Variants in LUZP2 observed in about 807,000 individuals in gnomAD.
LUZP2 encodes the protein leucine zipper protein 2.
LUZP2 carries 52 observed loss-of-function variants against 51.6 expected under a neutral mutation model. That is an observed-to-expected ratio of 1.01 (90% CI 0.81 to 1.27). The LOEUF is 1.27. Ranked by LOEUF, LUZP2 falls within the 50% of genes most tolerant of loss-of-function variation. The pLI is 0.00. For missense variants in LUZP2, 436 were observed against 395.4 expected, an observed-to-expected ratio of 1.10 and a Z score of -0.87; for synonymous variants, 154 against 137.3, an observed-to-expected ratio of 1.12 and a Z score of -0.85.
At chr11:25,065,552 A>G (rs1233163472) in intron 10 of LUZP2, among the ~76,000 whole-genome samples, 2 of 152,056 alleles carry the variant, frequency 1.3e-5, no homozygotes, top group Non-Finnish European at 1.5e-5. Flanking sequence ...GAATTTAAAC[A>G]TTGACTAAAC....
At chr11:25,024,876 C>T (rs10767300) in intron 9 of LUZP2, among the ~76,000 whole-genome samples, 57,565 of 148,280 alleles carry the variant, frequency 0.39, 13,495 homozygotes, top group East Asian at 0.78. Flanking sequence ...GGAGGCATCA[C>T]GCTACCTGAT....
intron 7 of LUZP2, among the ~76,000 whole-genome samples, chr11:24,959,236 G>A (rs575675431): frequency 2.3e-4 from 35 of 152,060 alleles, no homozygotes; most frequent in East Asian, 5.8e-4. Flanking sequence ...TTGGCGATGC[G>A]GGCTCTTTTT....
intron 8 of LUZP2, among the ~76,000 whole-genome samples, chr11:24,977,145 A>G (rs1855902388): frequency 6.6e-6 from 1 of 151,770 alleles, no homozygotes; most frequent in Admixed American, 6.6e-5. Flanking sequence ...TTATATTAAT[A>G]ATAAATGGAA....
chr11:24,991,874 A>C (rs1856357479), intron 9 of LUZP2, among the ~76,000 whole-genome samples: 1 of 151,810 alleles, frequency 6.6e-6, no homozygotes, highest in South Asian at 2.1e-4. Flanking sequence ...TTCTTTTGGG[A>C]ATTGCCTATT....
chr11:24,613,976 T>G (rs915895680), intron 1 of LUZP2, among the ~76,000 whole-genome samples: 1 of 151,996 alleles, frequency 6.6e-6, no homozygotes, highest in African/African-American at 2.4e-5. Context: ...TTGGTGTGTG[T>G]TCTATTTACA....
chr11:24,553,696 A>G (rs1359571704), intron 1 of LUZP2, among the ~76,000 whole-genome samples: 3 of 152,138 alleles, frequency 2.0e-5, no homozygotes, highest in African/African-American at 7.2e-5. Flanking sequence ...GTTATAGACT[A>G]GAGATAGAGG....
chr11:24,786,006 G>C, intron 5 of LUZP2: 1 of 985,196 alleles, frequency 1.0e-6, no homozygotes, highest in Non-Finnish European at 1.2e-6. Flanking sequence ...CCTTCAAGTG[G>C]TACCCAGAGT....
intron 6 of LUZP2, among the ~76,000 whole-genome samples, chr11:24,913,699 T>C (rs965279959): frequency 6.7e-6 from 1 of 150,122 alleles, no homozygotes; most frequent in African/African-American, 2.5e-5. Flanking sequence ...GTGTGTGTTA[T>C]TGGTTATTGG....
At chr11:24,864,809 G>A (rs974402841) in intron 5 of LUZP2, among the ~76,000 whole-genome samples, 2 of 152,158 alleles carry the variant, frequency 1.3e-5, no homozygotes, top group Admixed American at 1.3e-4. Context: ...TAAGAGTCAT[G>A]AAGAGGTGAT....
chr11:24,863,551 G>C (rs771758070), intron 5 of LUZP2, among the ~76,000 whole-genome samples: 1 of 151,838 alleles, frequency 6.6e-6, no homozygotes, highest in South Asian at 2.1e-4. Flanking sequence ...CTGGGGGGAA[G>C]GGGGAATAGG....
At chr11:24,937,414 AAC>A (rs1437202749) in intron 7 of LUZP2, among the ~76,000 whole-genome samples, 3 of 152,204 alleles carry the variant, frequency 2.0e-5, no homozygotes, top group South Asian at 4.1e-4. Context: ...AGATGAAAAA[AAC>A]ACACACTTCC....
intron 1 of LUZP2, among the ~76,000 whole-genome samples, chr11:24,617,446 T>C (rs1297861162): frequency 6.6e-6 from 1 of 152,246 alleles, no homozygotes; most frequent in Non-Finnish European, 1.5e-5. Flanking sequence ...ACATCTGTTA[T>C]CTTCATGTTG....
chr11:24,748,902 T>C (rs988361188), intron 4 of LUZP2, among the ~76,000 whole-genome samples: 7 of 152,164 alleles, frequency 4.6e-5, no homozygotes, highest in African/African-American at 4.8e-5. Context: ...AAGAGTAATA[T>C]ATTTCAACAA....
At chr11:25,009,187 C>G (rs1346004198) in intron 9 of LUZP2, among the ~76,000 whole-genome samples, 3 of 152,248 alleles carry the variant, frequency 2.0e-5, no homozygotes, top group Middle Eastern at 3.4e-3. Flanking sequence ...GAGGACATTG[C>G]TATGTTAAAG....
intron 5 of LUZP2, among the ~76,000 whole-genome samples, chr11:24,832,312 G>T (rs898506717): frequency 3.3e-5 from 5 of 151,850 alleles, no homozygotes; most frequent in African/African-American, 1.2e-4. Flanking sequence ...TCCTGTAACA[G>T]CCCTGATCAT....
intron 1 of LUZP2, among the ~76,000 whole-genome samples, chr11:24,512,120 G>A (rs561264713): frequency 2.0e-5 from 3 of 152,296 alleles, no homozygotes; most frequent in African/African-American, 7.2e-5. Context: ...AATAGATGAT[G>A]TATATTGGGC....
Position 24,715,611 on chromosome 11 carries a change from T to C in LUZP2, c.63-13558T>C, listed in dbSNP as rs540312904. ...TCCCCTTTACGATATTTAATCATCC[T>C]ATGCGTCATTCAAGGCCCCACACAA... On this transcript the variant is annotated intron_variant, in intron 1 of 11. Coordinates refer to ENST00000336930, the MANE Select transcript of LUZP2 (RefSeq NM_001009909.4). 4.6e-5 allele frequency among the ~76,000 whole-genome samples: 7 copies of C among 152,312 alleles called. No individual in the cohort carries two copies. In the East Asian group the frequency reaches 1.4e-3, roughly 29 times the overall value.
At chr11:24,861,356 T>G (rs927337573) in intron 5 of LUZP2, among the ~76,000 whole-genome samples, 1 of 151,944 alleles carries the variant, frequency 6.6e-6, no homozygotes, top group Admixed American at 6.6e-5. Flanking sequence ...ATGGGGAGAA[T>G]GTAAACAAGC....
At chr11:24,558,204 G>A (rs767072660) in intron 1 of LUZP2, among the ~76,000 whole-genome samples, 2 of 152,050 alleles carry the variant, frequency 1.3e-5, no homozygotes, top group Non-Finnish European at 2.9e-5. Flanking sequence ...GGATTCTAGG[G>A]ATTTCAGCTT....
Sources: gnomAD v4.1 joint callset for allele counts (sites outside exome capture counted in the v4.1 genomes callset) on GRCh38, gnomAD v4.1.1 for gene constraint, MANE v1.5 for transcripts, NCBI Gene and HGNC (gene_info 2026-07-23, HGNC 2026-07-21) for gene names.